The following VPS41 variants were observed in gnomAD, a reference collection of about 807,000 sequenced individuals.
VPS41 encodes VPS41 subunit of HOPS complex, also known as vacuolar protein sorting-associated protein 41 homolog.
In VPS41, 85 loss-of-function variants were observed where a neutral mutation model predicts 130.9. The ratio of observed to expected loss-of-function variants is 0.65; its 90% CI spans 0.55 to 0.78. The LOEUF is 0.78. Among genes scored for constraint, VPS41 ranks in the 30% least tolerant of loss-of-function variants. The probability of loss-of-function intolerance (pLI) is 0.00; values close to 1 mark genes in which losing one functional copy is unlikely to be tolerated. For synonymous variants in VPS41, 335 were observed against 332.9 expected (o/e 1.01, Z -0.07); for missense variants, 874 against 1,018.7 (o/e 0.86, Z 1.93).
At chr7:38,898,802 A>G (rs1018022574) in intron 1 of VPS41, among the ~76,000 whole-genome samples, 9 of 152,246 alleles carry the variant, frequency 5.9e-5, no homozygotes, top group Non-Finnish European at 4.4e-5. Flanking sequence ...TGAAAGAGAG[A>G]ATCTGCTGAT....
intron 2 of VPS41, among the ~76,000 whole-genome samples, chr7:38,870,422 T>C (rs1786325236): frequency 6.6e-6 from 1 of 152,204 alleles, no homozygotes; most frequent in Non-Finnish European, 1.5e-5. Flanking sequence ...TTGGAACCCC[T>C]GGTCCCCAGA....
intron 2 of VPS41, among the ~76,000 whole-genome samples, chr7:38,882,681 G>C (rs1454649781): frequency 6.6e-6 from 1 of 152,136 alleles, no homozygotes; most frequent in Non-Finnish European, 1.5e-5. Flanking sequence ...CCCTACCTTA[G>C]TTACAGCAAC....
chr7:38,752,228 C>T lies in VPS41; in HGVS notation c.1874G>A (p.Arg625Gln), dbSNP rs757976239. The change falls in exon 22 of 29, where the codon CGA becomes CAA. Residue 625 changes from arginine to glutamine, a missense_variant. Arg to Gln is a conservative substitution (Grantham distance 43). Coordinates refer to ENST00000310301, the MANE Select transcript of VPS41 (RefSeq NM_014396.4). The stretch of plus-strand genomic sequence containing the variant: ...TCGGAGAAAGGGAAGTAAGTTTGGT[C>T]GATCATATTCAGCATAAAGACTGAT... ...KQISLYAEYD[R>Q]PNLLPFLRDS... 9.9e-6 allele frequency: 16 copies of T among 1,613,810 alleles called. No individual in the cohort carries two copies. The highest frequency in any genetic ancestry group is 3.3e-4 in the Middle Eastern group (2 of 6,082).
chr7:38,908,034 G>A (rs1248870652), intron 1 of VPS41, among the ~76,000 whole-genome samples: 1 of 152,014 alleles, frequency 6.6e-6, no homozygotes, highest in Non-Finnish European at 1.5e-5. Context: ...CTAGTCAAAC[G>A]TCTCAATTAT....
chr7:38,859,551 G>A (rs1786057056), intron 4 of VPS41, among the ~76,000 whole-genome samples: 3 of 152,158 alleles, frequency 2.0e-5, no homozygotes, highest in Admixed American at 1.3e-4. Flanking sequence ...ACTTGCCATT[G>A]TGTTCCAATT....
rs1795647980 is a variant in VPS41 at position 38,730,808 on chromosome 7, C to G, written c.2260-2017G>C. Among the ~76,000 whole-genome samples, 3 of 152,124 alleles carry G rather than the reference C, an allele frequency of 2.0e-5. No homozygotes were observed. The South Asian group carries it at 6.2e-4, about 32-fold the overall frequency. On this transcript the variant is annotated intron_variant, in intron 25 of 28. Coordinates refer to ENST00000310301, the MANE Select transcript of VPS41 (RefSeq NM_014396.4). ...GATAAAACAATTTTAAAAAATGGCT[C>G]TGACTCTCGTGGGTGCTCCAGGCCC... is the stretch of plus-strand genomic sequence containing the variant.
chr7:38,756,738 T>C lies in VPS41; in HGVS notation c.1695+100A>G, dbSNP rs559974715. 1.5e-5 allele frequency: 13 copies of C among 891,292 alleles called. No individual in the cohort carries two copies. In the Admixed American group the frequency reaches 2.8e-4, roughly 19 times the overall value. 55.2% of individuals were successfully genotyped at this position (891,292 alleles called of 1,614,324 possible). A position where few individuals can be genotyped will look rare whatever the true frequency, so the allele number is the denominator to read the frequency against. On this transcript the variant is annotated intron_variant, in intron 19 of 28. Coordinates refer to ENST00000310301, the MANE Select transcript of VPS41 (RefSeq NM_014396.4). ...AGATTGTCGGCATAAAGCCAAGTTA[T>C]GTGATTCATTCACCAATCCAGCATT...
intron 4 of VPS41, among the ~76,000 whole-genome samples, chr7:38,846,772 A>C (rs1211579914): frequency 6.6e-6 from 1 of 152,198 alleles, no homozygotes; most frequent in Non-Finnish European, 1.5e-5. Flanking sequence ...GGATGATGGC[A>C]ATATAAAGAA....
chr7:38,906,334 T>G (rs983891836), intron 1 of VPS41, among the ~76,000 whole-genome samples: 3 of 151,648 alleles, frequency 2.0e-5, no homozygotes, highest in African/African-American at 7.3e-5. Context: ...ACTGCTGGGT[T>G]TTTTTTTGTT....
At chr7:38,744,781 C>T (rs1795954035) in intron 23 of VPS41, among the ~76,000 whole-genome samples, 1 of 152,110 alleles carries the variant, frequency 6.6e-6, no homozygotes, top group Non-Finnish European at 1.5e-5. Context: ...TGGCTGAGCA[C>T]CCATGAATCT....
intron 6 of VPS41, 35 bp from the exon 7 acceptor site, chr7:38,817,917 A>G (rs772252851): frequency 7.1e-6 from 11 of 1,559,840 alleles, no homozygotes; most frequent in Non-Finnish European, 9.7e-6. Flanking sequence ...CTGGTTTAGG[A>G]GTCATGGCCA....
chr7:38,862,071 G>A (rs1786126035), intron 4 of VPS41, among the ~76,000 whole-genome samples: 1 of 152,086 alleles, frequency 6.6e-6, no homozygotes, highest in Admixed American at 6.6e-5. Flanking sequence ...ACTAAATGAG[G>A]GAGTTCATAC....
chr7:38,797,729 T>C (rs780824425), intron 7 of VPS41, among the ~76,000 whole-genome samples: 4 of 152,216 alleles, frequency 2.6e-5, no homozygotes, highest in Non-Finnish European at 5.9e-5. Flanking sequence ...TCTACCTTAG[T>C]ATATTTTATG....
intron 4 of VPS41, among the ~76,000 whole-genome samples, chr7:38,858,498 G>A (rs1411435147): frequency 2.6e-5 from 4 of 152,170 alleles, no homozygotes; most frequent in Non-Finnish European, 4.4e-5. Flanking sequence ...ATCCTAAGAG[G>A]AGTCCATTCA....
intron 9 of VPS41, among the ~76,000 whole-genome samples, chr7:38,793,173 A>G (rs1268194134): frequency 3.3e-5 from 5 of 152,078 alleles, no homozygotes. Context: ...CACCTTCCTC[A>G]CTAGAACATA....
At chr7:38,764,367 G>C (rs867898251) in intron 16 of VPS41, among the ~76,000 whole-genome samples, 1 of 152,202 alleles carries the variant, frequency 6.6e-6, no homozygotes, top group East Asian at 1.9e-4. Flanking sequence ...CCAGAGATGC[G>C]AGATGGCGTC....
intron 10 of VPS41, among the ~76,000 whole-genome samples, chr7:38,782,400 G>T (rs1056389215): frequency 7.2e-5 from 11 of 152,192 alleles, no homozygotes; most frequent in African/African-American, 2.7e-4. Flanking sequence ...ACCCTGCAGC[G>T]ATCAGTGTTT....
intron 4 of VPS41, among the ~76,000 whole-genome samples, chr7:38,833,804 A>C (rs990513854): frequency 6.6e-6 from 1 of 152,212 alleles, no homozygotes; most frequent in Non-Finnish European, 1.5e-5. Context: ...AAAAAATAAA[A>C]AGGAAATGCT....
intron 2 of VPS41, among the ~76,000 whole-genome samples, chr7:38,882,629 T>C (rs1043112324): frequency 6.6e-6 from 1 of 152,128 alleles, no homozygotes; most frequent in African/African-American, 2.4e-5. Context: ...ACCACCACTA[T>C]TTTCACCCTG....
Sources: gnomAD v4.1 joint callset for allele counts (sites outside exome capture counted in the v4.1 genomes callset) on GRCh38, gnomAD v4.1.1 for gene constraint, MANE v1.5 for transcripts, NCBI Gene and HGNC (gene_info 2026-07-23, HGNC 2026-07-21) for gene names.